PTPRM: variants seen among roughly 807,000 people sequenced by gnomAD.
PTPRM encodes the protein protein tyrosine phosphatase receptor type M, also known as receptor-type tyrosine-protein phosphatase mu.
PTPRM carries 47 observed loss-of-function variants against 186.7 expected under a neutral mutation model. That is an observed-to-expected ratio of 0.25 (90% CI 0.20 to 0.32). The LOEUF is 0.32. Ranked by LOEUF, PTPRM falls within the 10% of genes least tolerant of loss-of-function variation. The pLI, the probability that PTPRM is intolerant of heterozygous loss-of-function variation, is 1.00. For missense variants in PTPRM, 1,494 were observed against 1,865.0 expected (o/e 0.80, Z 3.66); for synonymous variants, 668 against 674.9 (o/e 0.99, Z 0.16).
chr18:8,333,864 A>G (rs891489973), intron 22 of PTPRM, among the ~76,000 whole-genome samples: 2 of 152,140 alleles, frequency 1.3e-5, no homozygotes, highest in Non-Finnish European at 2.9e-5. Flanking sequence ...CACCCACCAC[A>G]CACTCCCTCC....
chr18:8,235,476 T>TTTTTTTTTTTTTTTTG (rs1481569126), intron 14 of PTPRM, among the ~76,000 whole-genome samples: 5 of 136,770 alleles, frequency 3.7e-5, no homozygotes, highest in East Asian at 2.1e-4. Context: ...TTTTTTTTTT[T>TTTTTTTTTTTTTTTTG]TTTAGCCTGG....
At chr18:8,360,096 C>G (rs2095587838) in intron 23 of PTPRM, among the ~76,000 whole-genome samples, 1 of 152,224 alleles carries the variant, frequency 6.6e-6, no homozygotes, top group South Asian at 2.1e-4. Flanking sequence ...AATCCAGTAA[C>G]TGGTTTTAGA....
chr18:8,289,518 A>ATG (rs1160516791), intron 19 of PTPRM, among the ~76,000 whole-genome samples: 1,186 of 78,242 alleles, frequency 0.015, 72 homozygotes, highest in African/African-American at 0.053. Context: ...GTGTATGTAT[A>ATG]TATATACATA....
intron 14 of PTPRM, among the ~76,000 whole-genome samples, chr18:8,217,981 T>C (rs1459005727): frequency 6.6e-6 from 1 of 152,128 alleles, no homozygotes; most frequent in South Asian, 2.1e-4. Context: ...TTGAAAGAAA[T>C]TGGTGTGCTG....
At chr18:8,348,359 C>T (rs995063506) in intron 23 of PTPRM, among the ~76,000 whole-genome samples, 6 of 152,244 alleles carry the variant, frequency 3.9e-5, no homozygotes, top group Non-Finnish European at 8.8e-5. Context: ...GTGCAGAAGA[C>T]ATAGATGCTG....
At chr18:8,131,531 G>A (rs2092507595) in intron 13 of PTPRM, among the ~76,000 whole-genome samples, 1 of 152,126 alleles carries the variant, frequency 6.6e-6, no homozygotes, top group Admixed American at 6.6e-5. Context: ...AGAACACCAG[G>A]CTCCCTTTCT....
intron 1 of PTPRM, among the ~76,000 whole-genome samples, chr18:7,634,366 C>G (rs1252802445): frequency 1.3e-5 from 2 of 152,084 alleles, no homozygotes; most frequent in African/African-American, 2.4e-5. Context: ...TTGGTCTTCT[C>G]CACAATGCCC....
At chr18:7,719,251 G>T (rs1244628109) in intron 1 of PTPRM, among the ~76,000 whole-genome samples, 1 of 152,174 alleles carries the variant, frequency 6.6e-6, no homozygotes, top group African/African-American at 2.4e-5. Context: ...GCAGCAATTT[G>T]GAGTTGGCAG....
At chr18:8,231,537 A>T (rs2094286560) in intron 14 of PTPRM, among the ~76,000 whole-genome samples, 1 of 152,202 alleles carries the variant, frequency 6.6e-6, no homozygotes, top group Admixed American at 6.5e-5. Flanking sequence ...CATACCCATC[A>T]TAAACATAAT....
chr18:8,171,759 G>A (rs1461627950), intron 14 of PTPRM, among the ~76,000 whole-genome samples: 1 of 152,050 alleles, frequency 6.6e-6, no homozygotes, highest in Non-Finnish European at 1.5e-5. Flanking sequence ...CTTTTGATAG[G>A]ATTATGGTCC....
At chr18:7,887,044 T>G (rs1355610965) in intron 2 of PTPRM, among the ~76,000 whole-genome samples, 1 of 152,150 alleles carries the variant, frequency 6.6e-6, no homozygotes, top group Non-Finnish European at 1.5e-5. Flanking sequence ...TATACACACC[T>G]TGAACATTGT....
At chr18:7,927,887 C>T (rs989356479) in intron 5 of PTPRM, among the ~76,000 whole-genome samples, 10 of 152,000 alleles carry the variant, frequency 6.6e-5, no homozygotes, top group African/African-American at 2.4e-4. Context: ...ACAACAGGCA[C>T]ATGCCACCAT....
chr18:7,568,504 G>A lies in PTPRM; in HGVS notation c.73+613G>A, dbSNP rs1484184909. Among the ~76,000 whole-genome samples the A allele has an allele frequency of 6.6e-6, 1 of 152,096 alleles. No homozygotes were observed. Among genetic ancestry groups the A allele is most frequent in the Non-Finnish European group, 1.5e-5 (1 of 67,990 alleles). On this transcript the variant is annotated intron_variant, in intron 1 of 32. Transcript: ENST00000580170. This position sits in a 1 kb window ranked among gnomAD's most constrained non-coding sequence, Gnocchi z 5.1. ...GAGAGGCTGGGGGGAGTTCCTCGCC[G>A]GTCCCAGCGGTAGGGCTTGGCGGCC...
At position 8,264,240 on chromosome 18, in the gene PTPRM, G is replaced by A. The variant is rs766024357; in HGVS notation, c.2754+10826G>A. On this transcript the variant is annotated intron_variant, in intron 19 of 32. Coordinates refer to ENST00000580170, the MANE Select transcript of PTPRM (RefSeq NM_001105244.2). ...TGGCTTTTCCTATCTCTTACCAACCGCTAATAGAAGCAATGTAGAATTATT... is the reference window on the plus strand; with the variant it reads ...TGGCTTTTCCTATCTCTTACCAACCACTAATAGAAGCAATGTAGAATTATT... 2.6e-5 allele frequency among the ~76,000 whole-genome samples: 4 copies of A among 152,208 alleles called. No individual in the cohort carries two copies. In the East Asian group the frequency reaches 5.8e-4, roughly 22 times the overall value.
chr18:8,392,509 C>T (rs2095820519), intron 31 of PTPRM, among the ~76,000 whole-genome samples: 1 of 152,094 alleles, frequency 6.6e-6, no homozygotes, highest in East Asian at 1.9e-4. Flanking sequence ...TGCCTGTAGT[C>T]CCAGCTACTC....
intron 14 of PTPRM, among the ~76,000 whole-genome samples, chr18:8,215,590 C>T (rs1210507207): frequency 2.0e-5 from 3 of 146,604 alleles, no homozygotes; most frequent in Non-Finnish European, 3.0e-5. Context: ...TCGCCCAGGC[C>T]GGAGTGCAGT....
intron 7 of PTPRM, among the ~76,000 whole-genome samples, chr18:8,014,309 A>T (rs568435537): frequency 6.6e-6 from 1 of 152,322 alleles, no homozygotes; most frequent in Admixed American, 6.5e-5. Context: ...GTTTTTCATG[A>T]TAAGTAATCT....
intron 23 of PTPRM, chr18:8,367,158 C>G (rs901354783): frequency 2.6e-5 from 4 of 151,906 alleles, no homozygotes; most frequent in Admixed American, 2.6e-4. Flanking sequence ...TAACTTGACA[C>G]AAGTCCAAGT....
chr18:8,004,774 G>C (rs747703129), intron 7 of PTPRM, among the ~76,000 whole-genome samples: 1 of 152,166 alleles, frequency 6.6e-6, no homozygotes, highest in Non-Finnish European at 1.5e-5. Flanking sequence ...CTTATGGGGG[G>C]CCCTGTGGCT....
Sources: gnomAD v4.1 joint callset for allele counts (sites outside exome capture counted in the v4.1 genomes callset) on GRCh38, gnomAD v4.1.1 for gene constraint, Gnocchi (gnomAD v3.1) non-coding constraint, MANE v1.5 for transcripts, NCBI Gene and HGNC (gene_info 2026-07-23, HGNC 2026-07-21) for gene names.